HECW2: variants seen among roughly 807,000 people sequenced by gnomAD.
HECW2 encodes HECT, C2 and WW domain containing E3 ubiquitin protein ligase 2, also known as E3 ubiquitin-protein ligase HECW2.
Under a neutral mutation model 175.2 loss-of-function variants are expected in HECW2, and 61 were observed. The observed-to-expected ratio is 0.35, with a 90% confidence interval of 0.28 to 0.43. The LOEUF (loss-of-function observed/expected upper bound fraction) is 0.43, where lower values mean the gene tolerates loss of function less well. Ranked by LOEUF, HECW2 falls within the 20% of genes least tolerant of loss-of-function variation. HECW2 has a pLI of 1.00. For missense variants in HECW2, 1,524 were observed against 2,000.5 expected, an observed-to-expected ratio of 0.76 and a Z score of 4.54; for synonymous variants, 671 against 731.0, an observed-to-expected ratio of 0.92 and a Z score of 1.32.
In HECW2 at chr2:196,413,512, A is replaced by G. The variant is rs1284418065; in HGVS notation, c.292+19620T>C. On this transcript the variant is annotated intron_variant, in intron 2 of 28. Transcript: ENST00000644978. ...AGGCACGCACCACCATGCCCGGCTA[A>G]TTTTTGTATTTCTAGTACAGACAGG... Among the ~76,000 whole-genome samples the G allele has an allele frequency of 2.0e-5, 3 of 152,052 alleles. No individual in the cohort carries two copies. The East Asian group carries it at 5.8e-4, about 29-fold the overall frequency.
intron 16 of HECW2, among the ~76,000 whole-genome samples, chr2:196,273,155 C>A (rs1432169994): frequency 6.7e-6 from 1 of 148,172 alleles, no homozygotes. Flanking sequence ...GGAACCTCTG[C>A]CTCCCAGGTT....
intron 2 of HECW2, among the ~76,000 whole-genome samples, chr2:196,346,851 C>CA (rs1206911552): frequency 6.6e-6 from 1 of 150,820 alleles, no homozygotes; most frequent in East Asian, 2.0e-4. Flanking sequence ...ATACAGAAAA[C>CA]AAAAAAATTA....
At chr2:196,506,107 G>C (rs1176487341) in intron 1 of HECW2, among the ~76,000 whole-genome samples, 1 of 152,084 alleles carries the variant, frequency 6.6e-6, no homozygotes, top group African/African-American at 2.4e-5. Flanking sequence ...AGGGGAGAAA[G>C]GGGATGGCAT....
At chr2:196,286,656 G>A (rs1040227266) in intron 14 of HECW2, among the ~76,000 whole-genome samples, 2 of 152,096 alleles carry the variant, frequency 1.3e-5, no homozygotes, top group Admixed American at 6.6e-5. Flanking sequence ...AAATAGACAA[G>A]AAGTCCTTAA....
At chr2:196,320,260 G>C in intron 8 of HECW2, 79 bp downstream of exon 8, 1 of 826,984 alleles carries the variant, frequency 1.2e-6, no homozygotes, top group South Asian at 1.7e-5. Flanking sequence ...ATTCTGTTCA[G>C]AAGCAAACTG....
intron 1 of HECW2, among the ~76,000 whole-genome samples, chr2:196,551,513 G>A (rs1689601625): frequency 6.6e-6 from 1 of 152,072 alleles, no homozygotes; most frequent in South Asian, 2.1e-4. Context: ...AGCAGAACTT[G>A]GCTTCTGTTT....
chr2:196,226,236 A>C (rs1409454960), intron 22 of HECW2, among the ~76,000 whole-genome samples: 2 of 151,992 alleles, frequency 1.3e-5, no homozygotes, highest in African/African-American at 4.8e-5. Flanking sequence ...ACACACACAC[A>C]CACTCTCTCT....
At chr2:196,515,515 CAT>C in intron 1 of HECW2, among the ~76,000 whole-genome samples, 1 of 152,208 alleles carries the variant, frequency 6.6e-6, no homozygotes, top group Non-Finnish European at 1.5e-5. Context: ...AGTTAGAACA[CAT>C]GTGGCACAGG....
At chr2:196,395,208 T>C (rs1438311044) in intron 2 of HECW2, among the ~76,000 whole-genome samples, 1 of 152,112 alleles carries the variant, frequency 6.6e-6, no homozygotes, top group Non-Finnish European at 1.5e-5. Flanking sequence ...CAAAAATTAA[T>C]TCAAAAATGG....
At chr2:196,228,463 T>C (rs186726330) in intron 21 of HECW2, among the ~76,000 whole-genome samples, 4 of 152,262 alleles carry the variant, frequency 2.6e-5, no homozygotes, top group Non-Finnish European at 2.9e-5. Context: ...ATGTGGAGCA[T>C]ACCTAAAACT....
rs749498293 is a variant in HECW2, at chr2:196,319,199, C to A, written c.1691G>T (p.Ser564Ile). 1.3e-6 allele frequency: 2 copies of A among 1,597,166 alleles called. No individual in the cohort carries two copies. Among genetic ancestry groups the A allele is most frequent in the Non-Finnish European group, 1.7e-6 (2 of 1,171,378 alleles). The change falls in exon 9 of 29, where the codon AGT becomes ATT. Residue 564 changes from serine (S) to isoleucine (I), a missense_variant. By Grantham distance (142) the Ser-to-Ile change is moderately radical. Coordinates refer to ENST00000644978, the MANE Select transcript of HECW2 (RefSeq NM_001348768.2). ...CTCTTGAGAGCCACACAGTTCAGCA[C>A]TGCCCTGGTCAGCACTGGGTTGAGG... ...PEPQPSADQGSAELCGSQEVD... is the reference protein window; with the variant it reads ...PEPQPSADQGIAELCGSQEVD...
chr2:196,574,246 A>G (rs562792044), intron 1 of HECW2, among the ~76,000 whole-genome samples: 1 of 152,254 alleles, frequency 6.6e-6, no homozygotes, highest in South Asian at 2.1e-4. Flanking sequence ...CCTGGCCAAC[A>G]TGGTGAAACC....
At chr2:196,220,191 C>T (rs1312771668) in intron 25 of HECW2, 38 bp from the exon 26 acceptor site, 1 of 1,326,446 alleles carries the variant, frequency 7.5e-7, no homozygotes. Context: ...GGCTTAGGAG[C>T]CTGGAGAAAT....
At position 196,582,736 on chromosome 2, in the gene HECW2, A is replaced by C. The variant is rs538664752; in HGVS notation, c.-36+10772T>G. Among the ~76,000 whole-genome samples the C allele has an allele frequency of 5.3e-5, 8 of 152,340 alleles. No individual in the cohort carries two copies. In the East Asian group the frequency reaches 1.5e-3, roughly 29 times the overall value. On this transcript the variant is annotated intron_variant, in intron 1 of 28. Coordinates refer to ENST00000644978, the MANE Select transcript of HECW2 (RefSeq NM_001348768.2). ...GACACAGACACCACAACAGCACGTG[A>C]ATTTCGTTTGGCATGAGCTGTTCTG...
chr2:196,508,762 A>T (rs1331296903), intron 1 of HECW2, among the ~76,000 whole-genome samples: 2 of 152,010 alleles, frequency 1.3e-5, no homozygotes, highest in South Asian at 4.2e-4. Flanking sequence ...TTCCTCCTCC[A>T]TTGTCCCCAT....
At position 196,196,296 on chromosome 2, in the gene HECW2, A is replaced by G. The variant is rs1686687814; in HGVS notation, c.*4981T>C. ...TGGGCAGTAGCTGGCCTTAAGCCAC[A>G]ATTCAGAAAGCTTTAATGTCTTCAG... is the stretch of plus-strand genomic sequence containing the variant. On this transcript the variant is annotated 3_prime_UTR_variant, in exon 29 of 29. Transcript: ENST00000644978. The G allele has an allele frequency of 6.6e-6, 1 of 152,238 alleles. No individual in the cohort carries two copies. The allele number at this position is 152,238 out of a possible 1,614,324, so 9.4% of individuals were successfully genotyped here.
intron 19 of HECW2, among the ~76,000 whole-genome samples, chr2:196,251,164 G>A (rs1164525925): frequency 1.3e-5 from 2 of 152,048 alleles, no homozygotes; most frequent in African/African-American, 2.4e-5. Flanking sequence ...CTCAGCCCCC[G>A]TGAGTAGCTG....
At chr2:196,260,874 T>C (rs915542577) in intron 17 of HECW2, among the ~76,000 whole-genome samples, 1 of 152,260 alleles carries the variant, frequency 6.6e-6, no homozygotes, top group Non-Finnish European at 1.5e-5. Context: ...GCTCAAGCTC[T>C]GCAAGAATTT....
intron 28 of HECW2, among the ~76,000 whole-genome samples, chr2:196,205,928 G>A (rs1297070656): frequency 6.6e-6 from 1 of 152,098 alleles, no homozygotes; most frequent in African/African-American, 2.4e-5. Context: ...TAAGGAAATT[G>A]AGGAATAGTG....
Sources: allele counts gnomAD v4.1 joint callset (sites outside exome capture counted in the v4.1 genomes callset), GRCh38; gene constraint gnomAD v4.1.1; transcripts MANE v1.5; gene names NCBI Gene and HGNC (gene_info 2026-07-23, HGNC 2026-07-21).